The following MSH5 variants were observed in gnomAD, a reference collection of about 807,000 sequenced individuals.
The protein encoded by MSH5 is mutS homolog 5, also known as mutS protein homolog 5.
MSH5 carries 78 observed loss-of-function variants against 107.7 expected under a neutral mutation model. That is an observed-to-expected ratio of 0.72 (90% CI 0.60 to 0.87). MSH5 has a LOEUF of 0.87. MSH5 is among the 40% of genes least tolerant of loss of function. MSH5 has a pLI of 0.00. For synonymous variants in MSH5, 326 were observed against 399.5 expected, an observed-to-expected ratio of 0.82 and a Z score of 2.19; for missense variants, 889 against 1,046.6, an observed-to-expected ratio of 0.85 and a Z score of 2.08.
Position 31,761,881 on chromosome 6 carries a change from G to A in MSH5, c.2245G>A (p.Ala749Thr). ...CTTCTATCAGGTTTGCGAAGGTGTT[G>A]CGAAGGCCAGCCATGCCTCCCACAC... is the stretch of plus-strand genomic sequence containing the variant. ...VFFYQVCEGV[A>T]KASHASHTAA... The change falls in exon 23 of 25, where the codon GCG (alanine) becomes ACG (threonine). Residue 749 changes from alanine (A) to threonine (T), a missense_variant. By Grantham distance (58) the Ala-to-Thr change is moderately conservative. Transcript: ENST00000375750. The surrounding 1 kb of genome is among the most constrained non-coding windows in gnomAD (Gnocchi z 5.3). 1 of 1,613,332 alleles carries A rather than the reference G, an allele frequency of 6.2e-7. No homozygotes were observed. The highest frequency in any genetic ancestry group is 1.3e-5 in the African/African-American group (1 of 75,052).
intron 2 of MSH5, 27 bp from the exon 3 acceptor site, chr6:31,741,136 T>A: frequency 6.2e-7 from 1 of 1,612,164 alleles, no homozygotes; most frequent in Non-Finnish European, 8.5e-7. Flanking sequence ...ATTCTAATAG[T>A]GATTTCCTTT....
At chr6:31,755,874 T>G (rs1177444828) in intron 12 of MSH5, among the ~76,000 whole-genome samples, 1 of 152,120 alleles carries the variant, frequency 6.6e-6, no homozygotes, top group Non-Finnish European at 1.5e-5. Context: ...CTTTTTCTCT[T>G]TTTCTTCTCC....
rs1360294290 is a variant in MSH5, at chr6:31,758,324, G to A, written c.1143+31G>A. 2 of 1,609,802 alleles carry A rather than the reference G, an allele frequency of 1.2e-6. No homozygotes were observed. The highest frequency in any genetic ancestry group is 1.7e-6 in the Non-Finnish European group (2 of 1,178,008). On this transcript the variant is annotated intron_variant, in intron 13 of 24. Transcript: ENST00000375750. The surrounding 1 kb of genome is among the most constrained non-coding windows in gnomAD (Gnocchi z 5.1). ...TAGAAGGAAAAAGGGAGTGCACCCA[G>A]GGAGGTCAGGGAGAGAGAATGCAGT...
chr6:31,758,761 C>T lies in MSH5; in HGVS notation c.1217-5C>T, dbSNP rs761570722. ...TTGATAACCACGTGTCTTCCACCCT[C>T]GTAGAAAAGCGAAGACTGATGGGAC... is the stretch of plus-strand genomic sequence containing the variant. On this transcript the variant is annotated splice_region_variant and splice_polypyrimidine_tract_variant and intron_variant, in intron 14 of 24. Coordinates refer to ENST00000375750, the MANE Select transcript of MSH5 (RefSeq NM_172166.4). This position sits in a 1 kb window ranked among gnomAD's most constrained non-coding sequence, Gnocchi z 5.1. The T allele has an allele frequency of 8.1e-6, 13 of 1,613,780 alleles. No homozygotes were observed. The highest frequency in any genetic ancestry group is 2.2e-5 in the South Asian group (2 of 91,072).
At position 31,761,142 on chromosome 6, in the gene MSH5, C is replaced by A. The variant is rs1463842901; in HGVS notation, c.1963-46C>A. The A allele has an allele frequency of 1.3e-6, 2 of 1,582,020 alleles. No individual in the cohort carries two copies. The highest frequency in any genetic ancestry group is 1.7e-4 in the Middle Eastern group (1 of 5,984). ...CAGGCCAACTGTGGTCAGTGCGTTA[C>A]GGGCTTCCAATACTAACTTTCCCTT... On this transcript the variant is annotated intron_variant, in intron 20 of 24. Coordinates refer to ENST00000375750, the MANE Select transcript of MSH5 (RefSeq NM_172166.4). This position sits in a 1 kb window ranked among gnomAD's most constrained non-coding sequence, Gnocchi z 5.3.
chr6:31,758,657 G>A lies in MSH5; in HGVS notation c.1216+37G>A, dbSNP rs780344223. 8 of 1,611,272 alleles carry A rather than the reference G, an allele frequency of 5.0e-6. No homozygotes were observed. In the African/African-American group the frequency reaches 5.3e-5, roughly 11 times the overall value. On this transcript the variant is annotated intron_variant, in intron 14 of 24. Transcript: ENST00000375750. This position sits in a 1 kb window ranked among gnomAD's most constrained non-coding sequence, Gnocchi z 5.1. Reference sequence around the variant, plus strand: ...GTGTGGATGGGCCTGTGAGCCCTGCGCAGTGATGGAGTACCATCCTTGGCA... The same window carrying A: ...GTGTGGATGGGCCTGTGAGCCCTGCACAGTGATGGAGTACCATCCTTGGCA...
At position 31,741,625 on chromosome 6, in the gene MSH5, G is replaced by A. The variant is rs183751298; in HGVS notation, c.271+339G>A. On this transcript the variant is annotated intron_variant, in intron 3 of 24. Transcript: ENST00000375750. ...TCTCAAACTCCTGACCTTGTGATCC[G>A]CCCACCTTGGCCTCCTAAAGTGCTG... 1.6e-4 allele frequency among the ~76,000 whole-genome samples: 24 copies of A among 152,082 alleles called. No individual in the cohort carries two copies. In the East Asian group the frequency reaches 3.1e-3, roughly 20 times the overall value.
chr6:31,741,266 G>A lies in MSH5; in HGVS notation c.251G>A (p.Ser84Asn), dbSNP rs1417449468. The A allele has an allele frequency of 2.5e-6, 4 of 1,612,504 alleles. No individual in the cohort carries two copies. The highest frequency in any genetic ancestry group is 3.4e-6 in the Non-Finnish European group (4 of 1,179,938). ...ATGCCAGATGCCCCAGACCACGAGAGCCTCAAGCTTCTCCAGAGAGGTGGG... is the reference window on the plus strand; with the variant it reads ...ATGCCAGATGCCCCAGACCACGAGAACCTCAAGCTTCTCCAGAGAGGTGGG... ...HFMPDAPDHE[S>N]LKLLQRVLDE... The change falls in exon 3 of 25, where the codon AGC becomes AAC. Residue 84 changes from serine to asparagine, a missense_variant. Physicochemically the swap from Ser to Asn is conservative, Grantham distance 46. This residue lies in a region of MSH5 where 518 missense variants were observed against 565.0 expected (regional missense o/e 0.92). Transcript: ENST00000375750.
intron 8 of MSH5, among the ~76,000 whole-genome samples, chr6:31,744,952 A>C (rs1286098200): frequency 6.6e-6 from 1 of 152,070 alleles, no homozygotes; most frequent in Non-Finnish European, 1.5e-5. Flanking sequence ...TCTACTAAAA[A>C]TATAAAAATT....
At position 31,758,983 on chromosome 6, in the gene MSH5, C is replaced by A; in HGVS notation, c.1326+108C>A. On this transcript the variant is annotated intron_variant, in intron 15 of 24. Coordinates refer to ENST00000375750, the MANE Select transcript of MSH5 (RefSeq NM_172166.4). This position sits in a 1 kb window ranked among gnomAD's most constrained non-coding sequence, Gnocchi z 5.1. ...AAAACTTGTGGGGCAGCCTGAAGAACATGAACACTTTTTTGTGGGGATACA... is the reference window on the plus strand; with the variant it reads ...AAAACTTGTGGGGCAGCCTGAAGAAAATGAACACTTTTTTGTGGGGATACA... 7.1e-7 allele frequency: 1 copy of A among 1,408,054 alleles called. No homozygotes were observed. The highest frequency in any genetic ancestry group is 1.0e-6 in the Non-Finnish European group (1 of 994,824). 87.2% of individuals were successfully genotyped at this position (1,408,054 alleles called of 1,614,324 possible).
chr6:31,761,686 C>CT lies in MSH5; in HGVS notation c.2181+72dup. 1.1e-5 allele frequency: 17 copies of CT among 1,613,132 alleles called. No homozygotes were observed. Among genetic ancestry groups the CT allele is most frequent in the Non-Finnish European group, 1.4e-5 (17 of 1,179,728 alleles). On this transcript the variant is annotated intron_variant, in intron 22 of 24. Coordinates refer to ENST00000375750, the MANE Select transcript of MSH5 (RefSeq NM_172166.4). This position sits in a 1 kb window ranked among gnomAD's most constrained non-coding sequence, Gnocchi z 5.3. ...TTCCCAGAGGTGGGGATTGGCTCCTCTATCAGAACAAGGGCTCCCTCAGCA... is the reference window on the plus strand; with the variant it reads ...TTCCCAGAGGTGGGGATTGGCTCCTCTTATCAGAACAAGGGCTCCCTCAGCA...
At chr6:31,755,278 A>C (rs1810347292) in intron 12 of MSH5, among the ~76,000 whole-genome samples, 1 of 152,080 alleles carries the variant, frequency 6.6e-6, no homozygotes, top group Non-Finnish European at 1.5e-5. Context: ...CAGCCTCCTG[A>C]GTAGCAGGGA....
In MSH5 at chr6:31,740,449, C is replaced by A; in HGVS notation, c.-13-5C>A. 1 of 1,552,428 alleles carries A rather than the reference C, an allele frequency of 6.4e-7. No individual in the cohort carries two copies. The highest frequency in any genetic ancestry group is 8.7e-7 in the Non-Finnish European group (1 of 1,147,902). ...CCGAACCGCCCTCACTTTTTGCATC[C>A]GCAGAGCCTCCAAGCTCATGGCCTC... is the stretch of plus-strand genomic sequence containing the variant. On this transcript the variant is annotated splice_region_variant and splice_polypyrimidine_tract_variant and intron_variant, in intron 1 of 24. Transcript: ENST00000375750. This position sits in a 1 kb window ranked among gnomAD's most constrained non-coding sequence, Gnocchi z 4.4.
In MSH5 at chr6:31,740,610, C is replaced by G. The variant is rs1233125255; in HGVS notation, c.144C>G (p.Ala48=). 1 of 1,501,958 alleles carries G rather than the reference C, an allele frequency of 6.7e-7. No individual in the cohort carries two copies. Among genetic ancestry groups the G allele is most frequent in the Non-Finnish European group, 8.9e-7 (1 of 1,127,814 alleles). The allele number at this position is 1,501,958 out of a possible 1,614,324, so 93.0% of individuals were successfully genotyped here. A position where few individuals can be genotyped will look rare whatever the true frequency, so the allele number is the denominator to read the frequency against. ...EEEVEEEEEL[A]EIHLCVLWNS... ...AAGTCGAGGAGGAGGAGGAGCTGGC[C>G]GAGGTCTCTGAGGGGAGTAGAAACT... is the stretch of plus-strand genomic sequence containing the variant. The change falls in exon 2 of 25, where the codon GCC becomes GCG. Residue 48 remains alanine, a synonymous_variant. Coordinates refer to ENST00000375750, the MANE Select transcript of MSH5 (RefSeq NM_172166.4). The surrounding 1 kb of genome is among the most constrained non-coding windows in gnomAD (Gnocchi z 4.4).
In MSH5 at chr6:31,759,800, C is replaced by T. The variant is rs1456501223; in HGVS notation, c.1510C>T (p.Leu504=). 2.5e-6 allele frequency: 4 copies of T among 1,613,204 alleles called. No individual in the cohort carries two copies. Among genetic ancestry groups the T allele is most frequent in the Non-Finnish European group, 3.4e-6 (4 of 1,180,004 alleles). The change falls in exon 18 of 25, where the codon CTG becomes TTG. Residue 504 remains leucine (L), a synonymous_variant. Transcript: ENST00000375750. The surrounding 1 kb of genome is among the most constrained non-coding windows in gnomAD (Gnocchi z 4.7). ...HCEIRDQETL[L]MYQLQCQVLA... is the part of the protein sequence containing the mutation. Reference sequence around the variant, plus strand: ...CCCACTCCCAGACCAGGAGACGCTGCTGATGTACCAGCTACAGTGCCAGGT... The same window carrying T: ...CCCACTCCCAGACCAGGAGACGCTGTTGATGTACCAGCTACAGTGCCAGGT...
Position 31,760,901 on chromosome 6 carries a change from A to G in MSH5, c.1962+62A>G. On this transcript the variant is annotated intron_variant, in intron 20 of 24. Coordinates refer to ENST00000375750, the MANE Select transcript of MSH5 (RefSeq NM_172166.4). The surrounding 1 kb of genome is among the most constrained non-coding windows in gnomAD (Gnocchi z 5.6). ...GGATAATGGGAAAGGAACCCCTGAA[A>G]ATGCTCATAACAGGAAAGCATGCCC... 1.9e-6 allele frequency: 3 copies of G among 1,551,204 alleles called. No homozygotes were observed. The highest frequency in any genetic ancestry group is 2.6e-6 in the Non-Finnish European group (3 of 1,142,492).
chr6:31,752,628 G>A (rs1441717530), intron 10 of MSH5, among the ~76,000 whole-genome samples: 2 of 148,158 alleles, frequency 1.3e-5, no homozygotes, highest in African/African-American at 2.5e-5. Context: ...GCTGAGGCAC[G>A]AAAATCACTT....
intron 10 of MSH5, among the ~76,000 whole-genome samples, chr6:31,749,091 T>A (rs1333988157): frequency 6.6e-6 from 1 of 151,980 alleles, no homozygotes; most frequent in Non-Finnish European, 1.5e-5. Context: ...AATTTTTGTA[T>A]TTTTAGTAGA....
chr6:31,749,307 T>A (rs1330049256), intron 10 of MSH5, among the ~76,000 whole-genome samples: 2 of 152,064 alleles, frequency 1.3e-5, no homozygotes, highest in South Asian at 2.1e-4. Context: ...TTTGGGAGGC[T>A]GAGGTGGGTG....
Sources: gnomAD v4.1 joint callset for allele counts (sites outside exome capture counted in the v4.1 genomes callset) on GRCh38, gnomAD v4.1.1 for gene constraint, gnomAD v4.1.1 regional missense constraint, Gnocchi (gnomAD v3.1) non-coding constraint, MANE v1.5 for transcripts, NCBI Gene and HGNC (gene_info 2026-07-23, HGNC 2026-07-21) for gene names.